The following HPN variants were observed in gnomAD, a reference collection of about 807,000 sequenced individuals.
HPN encodes the protein hepsin, also known as serine protease hepsin.
Under a neutral mutation model 55.9 loss-of-function variants are expected in HPN, and 13 were observed. The ratio of observed to expected loss-of-function variants is 0.23; its 90% CI spans 0.15 to 0.37. HPN has a LOEUF of 0.37. Ranked by LOEUF, HPN falls within the 10% of genes least tolerant of loss-of-function variation. HPN has a pLI of 1.00. For synonymous variants in HPN, 225 were observed against 240.3 expected, an observed-to-expected ratio of 0.94 and a Z score of 0.59; for missense variants, 451 against 575.8, an observed-to-expected ratio of 0.78 and a Z score of 2.22.
At chr19:35,060,053 TC>T in intron 6 of HPN, 57 bp downstream of exon 6, 1 of 1,613,860 alleles carries the variant, frequency 6.2e-7, no homozygotes, top group South Asian at 1.1e-5. Flanking sequence ...GCACTCCCTC[TC>T]CCCGTTTTCC....
chr19:35,066,040 T>C lies in HPN; in HGVS notation c.1215+8T>C, dbSNP rs1475395904. 2.5e-6 allele frequency: 4 copies of C among 1,609,836 alleles called. No homozygotes were observed. The highest frequency in any genetic ancestry group is 3.4e-6 in the Non-Finnish European group (4 of 1,179,996). On this transcript the variant is annotated splice_region_variant and intron_variant, in intron 12 of 12. Transcript: ENST00000672452. ...ATCTTCCAGGCCATAAAGGTGAAAG[T>C]TGGGTCCAGATGGGAGCCAGGGTGG...
intron 9 of HPN, among the ~76,000 whole-genome samples, chr19:35,064,558 G>A (rs2064578257): frequency 6.6e-6 from 1 of 151,868 alleles, no homozygotes; most frequent in Non-Finnish European, 1.5e-5. Flanking sequence ...AGCCCAGGAG[G>A]TCGAGGCTGC....
intron 4 of HPN, among the ~76,000 whole-genome samples, chr19:35,056,195 A>C (rs1447374452): frequency 6.6e-6 from 1 of 151,456 alleles, no homozygotes; most frequent in African/African-American, 2.4e-5. Context: ...TGAAAAGTGC[A>C]ACCTCACCCC....
intron 2 of HPN, among the ~76,000 whole-genome samples, chr19:35,044,465 C>T (rs2064322194): frequency 6.6e-6 from 1 of 152,136 alleles, no homozygotes; most frequent in African/African-American, 2.4e-5. Flanking sequence ...GGTGTGCAAG[C>T]TGGACCAGGC....
chr19:35,062,359 T>C (rs2151767604), intron 9 of HPN, among the ~76,000 whole-genome samples: 1 of 152,282 alleles, frequency 6.6e-6, no homozygotes, highest in East Asian at 1.9e-4. Context: ...GTCTAATATG[T>C]GAATAGTAGT....
Position 35,060,010 on chromosome 19 carries a change from C to T in HPN, c.413+14C>T, listed in dbSNP as rs1223646998. On this transcript the variant is annotated intron_variant, in intron 6 of 12. Transcript: ENST00000672452. ...CATCTCCGTGTGGTGAGGAGGGCAG[C>T]GGGCAGGTGGGGCAACACCTCAGAC... 5 of 1,597,106 alleles carry T rather than the reference C, an allele frequency of 3.1e-6. No individual in the cohort carries two copies. The highest frequency in any genetic ancestry group is 1.7e-5 in the Admixed American group (1 of 59,016).
At chr19:35,049,638 A>G in intron 4 of HPN, 122 bp downstream of exon 4, 1 of 934,980 alleles carries the variant, frequency 1.1e-6, no homozygotes, top group South Asian at 1.5e-5. Flanking sequence ...TAATCATAAT[A>G]GTGCATTTGT....
At chr19:35,049,626 G>A (rs1298549768) in intron 4 of HPN, 110 bp downstream of exon 4, 3 of 1,013,676 alleles carry the variant, frequency 3.0e-6, no homozygotes, top group Non-Finnish European at 3.0e-6. Flanking sequence ...ATGCAGAAAT[G>A]CTAATCATAA....
At chr19:35,059,398 C>G in intron 4 of HPN, 1 of 566,394 alleles carries the variant, frequency 1.8e-6, no homozygotes, top group East Asian at 3.4e-5. Flanking sequence ...AGGAGGATTT[C>G]TTGAGTCTGG....
chr19:35,059,297 C>T (rs1362172000), intron 4 of HPN: 1 of 360,908 alleles, frequency 2.8e-6, no homozygotes, highest in South Asian at 2.2e-5. Flanking sequence ...CCCGTCTCTA[C>T]AAAACAAAAC....
At chr19:35,060,062 TC>T in intron 6 of HPN, 66 bp downstream of exon 6, 1 of 1,614,032 alleles carries the variant, frequency 6.2e-7, no homozygotes. Context: ...CTCCCCGTTT[TC>T]CTTCCACCTG....
At chr19:35,058,984 G>A (rs2064490503) in intron 4 of HPN, 1 of 156,396 alleles carries the variant, frequency 6.4e-6, no homozygotes, top group African/African-American at 2.4e-5. Flanking sequence ...TCAAGTGCTG[G>A]ATTCTCTTGG....
In HPN at chr19:35,065,301, G is replaced by A; in HGVS notation, c.863G>A (p.Gly288Asp). Residue 288 changes from glycine to aspartate, a missense_variant, in exon 10 of 13, where the codon GGC becomes GAC. Physicochemically the swap from Gly to Asp is moderately conservative, Grantham distance 94. Transcript: ENST00000672452. Reference protein sequence around the residue: ...LPAAGQALVDGKICTVTGWGN... With the variant: ...LPAAGQALVDDKICTVTGWGN... The stretch of plus-strand genomic sequence containing the variant: ...GCTGCCGGCCAGGCCCTGGTGGATG[G>A]CAAGATCTGTACCGTGACGGGCTGG... 1 of 1,613,976 alleles carries A rather than the reference G, an allele frequency of 6.2e-7. No homozygotes were observed. Among genetic ancestry groups the A allele is most frequent in the Middle Eastern group, 1.7e-4 (1 of 6,060 alleles).
At chr19:35,043,282 T>C (rs1258359179) in intron 2 of HPN, among the ~76,000 whole-genome samples, 3 of 151,556 alleles carry the variant, frequency 2.0e-5, no homozygotes, top group African/African-American at 7.3e-5. Context: ...CCCTTGGGAG[T>C]CTCTGGGCAG....
At chr19:35,044,117 C>G (rs1036772800) in intron 2 of HPN, among the ~76,000 whole-genome samples, 8 of 152,202 alleles carry the variant, frequency 5.3e-5, no homozygotes, top group African/African-American at 1.9e-4. Context: ...GCGCCTTCCT[C>G]GTGAACAGCT....
intron 2 of HPN, among the ~76,000 whole-genome samples, chr19:35,045,220 TA>T (rs2064330381): frequency 6.6e-6 from 1 of 151,730 alleles, no homozygotes; most frequent in South Asian, 2.1e-4. Flanking sequence ...GAGACAGACT[TA>T]GGGGCAAGGA....
chr19:35,053,373 C>A (rs912024614), intron 4 of HPN, among the ~76,000 whole-genome samples: 1 of 152,084 alleles, frequency 6.6e-6, no homozygotes, highest in African/African-American at 2.4e-5. Context: ...AAACTCCAAG[C>A]CTTGGCTTTC....
chr19:35,051,629 G>A (rs116276706), intron 4 of HPN, among the ~76,000 whole-genome samples: 2,735 of 151,488 alleles, frequency 0.018, 79 homozygotes, highest in African/African-American at 0.064. Context: ...GCTGGGATTT[G>A]AACCCAGGCA....
intron 2 of HPN, among the ~76,000 whole-genome samples, chr19:35,047,856 G>A (rs113172598): frequency 1.2e-3 from 181 of 151,964 alleles, no homozygotes; most frequent in African/African-American, 3.7e-3. Flanking sequence ...AATTAGCCAT[G>A]TGTGGTGGTG....
Sources: gnomAD v4.1 joint callset for allele counts (sites outside exome capture counted in the v4.1 genomes callset) on GRCh38, gnomAD v4.1.1 for gene constraint, MANE v1.5 for transcripts, NCBI Gene and HGNC (gene_info 2026-07-23, HGNC 2026-07-21) for gene names.